Variants in TMEM132D observed in about 807,000 individuals in gnomAD.
TMEM132D encodes the protein transmembrane protein 132D.
In TMEM132D, 21 loss-of-function variants were observed where a neutral mutation model predicts 62.3. That is an observed-to-expected ratio of 0.34 (90% CI 0.24 to 0.49). The LOEUF (loss-of-function observed/expected upper bound fraction) is 0.49. Among genes scored for constraint, TMEM132D ranks in the 20% least tolerant of loss-of-function variants. The probability of loss-of-function intolerance (pLI) is 0.99; values close to 1 mark genes in which losing one functional copy is unlikely to be tolerated. For missense variants in TMEM132D, 1,346 were observed against 1,402.8 expected (o/e 0.96, Z 0.65); for synonymous variants, 621 against 575.6 (o/e 1.08, Z -1.13).
chr12:129,656,547 A>G (rs962671270), intron 2 of TMEM132D, among the ~76,000 whole-genome samples: 1 of 152,158 alleles, frequency 6.6e-6, no homozygotes, highest in Non-Finnish European at 1.5e-5. Context: ...TTACACCTAT[A>G]CTAGGTGTGG....
chr12:129,193,008 A>C (rs536766394), intron 5 of TMEM132D, among the ~76,000 whole-genome samples: 1 of 152,242 alleles, frequency 6.6e-6, no homozygotes, highest in Admixed American at 6.5e-5. Context: ...AATACAAAAA[A>C]TTAGCCGAGC....
chr12:129,863,073 C>T (rs1873947821), intron 1 of TMEM132D, among the ~76,000 whole-genome samples: 1 of 152,162 alleles, frequency 6.6e-6, no homozygotes, highest in African/African-American at 2.4e-5. Context: ...TGTGGAGGAG[C>T]TTGGGCTTGG....
chr12:129,104,212 G>C (rs1875410468), intron 5 of TMEM132D, among the ~76,000 whole-genome samples: 1 of 151,302 alleles, frequency 6.6e-6, no homozygotes, highest in Admixed American at 6.6e-5. Context: ...CAATGGAACA[G>C]AACAGAGCCC....
chr12:129,342,626 G>A (rs1413127925), intron 3 of TMEM132D, among the ~76,000 whole-genome samples: 1 of 152,146 alleles, frequency 6.6e-6, no homozygotes. Flanking sequence ...ACTACCATCA[G>A]AGTGAACAGG....
rs186426116 is a variant in TMEM132D at position 129,257,078 on chromosome 12, T to C, written c.1300-47415A>G. On this transcript the variant is annotated intron_variant, in intron 4 of 8. Transcript: ENST00000422113. The stretch of plus-strand genomic sequence containing the variant: ...CCACACACAACATATCATGGGTGTC[T>C]GAGAAGAAGGGTGTCTCCCAGAGAA... 5.9e-3 allele frequency among the ~76,000 whole-genome samples: 891 copies of C among 152,222 alleles called. 7 individuals are homozygous for C. The highest frequency in any genetic ancestry group is 0.021 in the African/African-American group (856 of 41,542).
rs1448054261 is a variant in TMEM132D at position 129,631,479 on chromosome 12, G to T, written c.968+68331C>A. 2.6e-5 allele frequency among the ~76,000 whole-genome samples: 4 copies of T among 152,328 alleles called. 1 individual carries two copies. In the Middle Eastern group the frequency reaches 0.014, roughly 518 times the overall value. On this transcript the variant is annotated intron_variant, in intron 2 of 8. Transcript: ENST00000422113. Reference sequence around the variant, plus strand: ...AACGAATCCAGACCTGACTCGAGAAGTTGCACACTAACACATTAAGGTATT... The same window carrying T: ...AACGAATCCAGACCTGACTCGAGAATTTGCACACTAACACATTAAGGTATT...
At chr12:129,343,762 AAAAAAAAAC>A (rs1254128823) in intron 3 of TMEM132D, among the ~76,000 whole-genome samples, 1 of 93,800 alleles carries the variant, frequency 1.1e-5, no homozygotes, top group African/African-American at 4.5e-5. Flanking sequence ...CAAAAAAAAC[AAAAAAAAAC>A]AAAAAAAAAA....
chr12:129,568,155 G>T (rs1485093524), intron 2 of TMEM132D, among the ~76,000 whole-genome samples: 1 of 152,238 alleles, frequency 6.6e-6, no homozygotes, highest in Non-Finnish European at 1.5e-5. Flanking sequence ...TTCCTGCAAA[G>T]GCAGAGTTCC....
intron 2 of TMEM132D, among the ~76,000 whole-genome samples, chr12:129,644,099 C>T (rs1472976421): frequency 1.3e-5 from 2 of 151,982 alleles, no homozygotes; most frequent in Admixed American, 6.6e-5. Flanking sequence ...ATGATTCGCC[C>T]GCCTCAGCCT....
intron 5 of TMEM132D, among the ~76,000 whole-genome samples, chr12:129,095,089 G>C (rs1455401684): frequency 2.0e-5 from 3 of 151,562 alleles, no homozygotes; most frequent in African/African-American, 7.3e-5. Flanking sequence ...GCTAAATGAA[G>C]AGTTAATGGG....
At chr12:129,716,690 G>A (rs1260180286) in intron 1 of TMEM132D, among the ~76,000 whole-genome samples, 1 of 152,146 alleles carries the variant, frequency 6.6e-6, no homozygotes, top group Non-Finnish European at 1.5e-5. Context: ...AATAAAACAA[G>A]AGGATTATCC....
chr12:129,211,761 C>G (rs765602027), intron 4 of TMEM132D, among the ~76,000 whole-genome samples: 24 of 152,188 alleles, frequency 1.6e-4, no homozygotes, highest in Non-Finnish European at 3.1e-4. Flanking sequence ...CCTTCAAAGT[C>G]CCATTATCCA....
intron 7 of TMEM132D, among the ~76,000 whole-genome samples, chr12:129,080,969 C>A (rs1593253100): frequency 6.6e-6 from 1 of 152,162 alleles, no homozygotes; most frequent in Non-Finnish European, 1.5e-5. Context: ...TCACTTCGTC[C>A]TTTAGCACAT....
chr12:129,438,184 T>C (rs866087415), intron 3 of TMEM132D, among the ~76,000 whole-genome samples: 20 of 152,288 alleles, frequency 1.3e-4, no homozygotes, highest in South Asian at 1.2e-3. Context: ...CTATTGTGAA[T>C]AGTGCTGCAA....
In TMEM132D at chr12:129,597,939, A is replaced by G. The variant is rs73157231; in HGVS notation, c.969-66734T>C. On this transcript the variant is annotated intron_variant, in intron 2 of 8. Transcript: ENST00000422113. ...TACATTCAAACAGGAGTTTAAAAAA[A>G]ACACCATTTGAATGAGGTCAGAAGC... 4.6e-3 allele frequency among the ~76,000 whole-genome samples: 699 copies of G among 152,320 alleles called. 3 individuals are homozygous for G. The highest frequency in any genetic ancestry group is 7.8e-3 in the Admixed American group (120 of 15,296).
In TMEM132D at chr12:129,144,759, C is replaced by A. The variant is rs955115326; in HGVS notation, c.1444-60057G>T. Among the ~76,000 whole-genome samples the A allele has an allele frequency of 4.6e-5, 7 of 152,156 alleles. No individual in the cohort carries two copies. The Middle Eastern group carries it at 0.01, about 222-fold the overall frequency. ...ATTCATCTAACATCTATCTAACCAACTCTATCTATCCAGCTCTATCTACCT... is the reference window on the plus strand; with the variant it reads ...ATTCATCTAACATCTATCTAACCAAATCTATCTATCCAGCTCTATCTACCT... On this transcript the variant is annotated intron_variant, in intron 5 of 8. Coordinates refer to ENST00000422113, the MANE Select transcript of TMEM132D (RefSeq NM_133448.3).
At chr12:129,207,663 C>T (rs1319203291) in intron 5 of TMEM132D, among the ~76,000 whole-genome samples, 1 of 152,106 alleles carries the variant, frequency 6.6e-6, no homozygotes. Flanking sequence ...CTGTGCCTAG[C>T]GTGAGGCCAG....
At chr12:129,387,335 ACTAACG>A (rs1871136060) in intron 3 of TMEM132D, among the ~76,000 whole-genome samples, 1 of 152,142 alleles carries the variant, frequency 6.6e-6, no homozygotes, top group Non-Finnish European at 1.5e-5. Flanking sequence ...CAGTGCTGAC[ACTAACG>A]CTAATACTAA....
chr12:129,665,534 T>C (rs772355203), intron 2 of TMEM132D, among the ~76,000 whole-genome samples: 2 of 151,610 alleles, frequency 1.3e-5, no homozygotes, highest in Non-Finnish European at 2.9e-5. Flanking sequence ...AAGGAAAACA[T>C]GCTGCATTTG....
Sources: allele counts gnomAD v4.1 joint callset (sites outside exome capture counted in the v4.1 genomes callset), GRCh38; gene constraint gnomAD v4.1.1; transcripts MANE v1.5; gene names NCBI Gene and HGNC (gene_info 2026-07-23, HGNC 2026-07-21).